KANK1: variants seen among roughly 807,000 people sequenced by gnomAD.
The protein encoded by KANK1 is KN motif and ankyrin repeat domain-containing protein 1.
A neutral mutation model predicts 106.2 loss-of-function variants in KANK1; 109 were observed. The ratio of observed to expected loss-of-function variants is 1.03; its 90% CI spans 0.88 to 1.20. The LOEUF (loss-of-function observed/expected upper bound fraction) is 1.20, where lower values mean the gene tolerates loss of function less well. Ranked by LOEUF, KANK1 falls within the 50% of genes most tolerant of loss-of-function variation. The pLI, the probability that KANK1 is intolerant of heterozygous loss-of-function variation, is 0.00. For synonymous variants in KANK1, 873 were observed against 652.2 expected, an observed-to-expected ratio of 1.34 and a Z score of -5.16; for missense variants, 2,399 against 1,710.7, an observed-to-expected ratio of 1.40 and a Z score of -7.10.
At chr9:484,952 G>T (rs1038409520) in intron 3 of KANK1, among the ~76,000 whole-genome samples, 1 of 148,506 alleles carries the variant, frequency 6.7e-6, no homozygotes, top group African/African-American at 2.6e-5. Flanking sequence ...AAAAAGTTAG[G>T]CCTCATAAGA....
intron 1 of KANK1, among the ~76,000 whole-genome samples, chr9:624,832 A>C (rs145216514): frequency 6.6e-6 from 1 of 151,950 alleles, no homozygotes; most frequent in African/African-American, 2.4e-5. Flanking sequence ...CCCTTTAAAA[A>C]CGCAATGAAA....
At chr9:563,122 C>T (rs1055368268) in intron 1 of KANK1, among the ~76,000 whole-genome samples, 5 of 151,708 alleles carry the variant, frequency 3.3e-5, no homozygotes, top group East Asian at 1.9e-4. Flanking sequence ...AAGATGGAAC[C>T]AAGCCTGTGT....
intron 7 of KANK1, among the ~76,000 whole-genome samples, chr9:737,767 C>G (rs1373700513): frequency 6.6e-6 from 1 of 152,160 alleles, no homozygotes; most frequent in East Asian, 1.9e-4. Context: ...TGAGTTTGGT[C>G]TGGATAGGAA....
At chr9:620,317 A>T (rs962888356) in intron 1 of KANK1, among the ~76,000 whole-genome samples, 2 of 152,098 alleles carry the variant, frequency 1.3e-5, no homozygotes, top group South Asian at 2.1e-4. Flanking sequence ...CTCTTCAACG[A>T]TCTGCCCCCT....
rs60736930 is a variant in KANK1, at chr9:515,171, A to G, written c.-84+10417A>G. ...ATCCTGGCTAACACAGTGAAACCCT[A>G]TCTCTACTAAAAAAATACAAAAGAT... On this transcript the variant is annotated intron_variant, in intron 1 of 11. Coordinates refer to ENST00000382297, the MANE Select transcript of KANK1 (RefSeq NM_015158.5). Among the ~76,000 whole-genome samples, 1,120 of 151,518 alleles carry G rather than the reference A, an allele frequency of 7.4e-3. 41 individuals carry two copies. Among genetic ancestry groups the G allele is most frequent in the African/African-American group, 0.026 (1,056 of 40,934 alleles).
chr9:743,090 G>C (rs1481805244), intron 10 of KANK1, among the ~76,000 whole-genome samples: 3 of 152,186 alleles, frequency 2.0e-5, no homozygotes, highest in African/African-American at 7.2e-5. Flanking sequence ...ATAGGTAGAA[G>C]GTAGGAACTG....
At chr9:630,640 G>T (rs1183004450) in intron 1 of KANK1, among the ~76,000 whole-genome samples, 1 of 152,206 alleles carries the variant, frequency 6.6e-6, no homozygotes, top group Non-Finnish European at 1.5e-5. Context: ...GGTGGCTCAT[G>T]CCTGTAATCC....
intron 1 of KANK1, among the ~76,000 whole-genome samples, chr9:534,173 G>C (rs568054543): frequency 2.0e-5 from 3 of 152,264 alleles, no homozygotes; most frequent in Admixed American, 6.5e-5. Flanking sequence ...ATAGTTTGTG[G>C]GAGTGTGAAG....
At chr9:542,372 A>G (rs1354882420) in intron 1 of KANK1, among the ~76,000 whole-genome samples, 2 of 152,274 alleles carry the variant, frequency 1.3e-5, no homozygotes, top group South Asian at 4.1e-4. Context: ...ATCATCTCAC[A>G]TCTACTAGAA....
intron 3 of KANK1, among the ~76,000 whole-genome samples, chr9:719,247 G>A (rs991422625): frequency 2.0e-5 from 3 of 152,122 alleles, no homozygotes; most frequent in Non-Finnish European, 4.4e-5. Context: ...GATTACAGGC[G>A]TGAGCCAGCG....
chr9:482,922 G>A lies in KANK1; in HGVS notation c.-362+9649G>A, dbSNP rs1206115533. On this transcript the variant is annotated intron_variant, in intron 3 of 15. Coordinates refer to the KANK1 transcript ENST00000382303. ...TCTTAGCCATCCTGCTCTGCCTGCC[G>A]GGGTGTGAATCATCTTTTTGTCCAG... 5.3e-5 allele frequency among the ~76,000 whole-genome samples: 8 copies of A among 152,116 alleles called. 1 individual carries two copies. The highest frequency in any genetic ancestry group is 1.9e-4 in the African/African-American group (8 of 41,418).
chr9:564,062 CT>C lies in KANK1; in HGVS notation c.-84+59323del, dbSNP rs34396017. On this transcript the variant is annotated intron_variant, in intron 1 of 11. Transcript: ENST00000382297. Reference sequence around the variant, plus strand: ...GTGTCATAGAATGTGCACTTTCTTTCTTTTTTTTTTTTTTTGAGACAGAGTC... The same window carrying C: ...GTGTCATAGAATGTGCACTTTCTTTCTTTTTTTTTTTTTTGAGACAGAGTC... 9.0e-3 allele frequency among the ~76,000 whole-genome samples: 1,264 copies of C among 140,110 alleles called. 20 individuals are homozygous for C. Among genetic ancestry groups the C allele is most frequent in the African/African-American group, 0.026 (970 of 37,978 alleles). 91.9% of individuals were successfully genotyped at this position (140,110 alleles called of 152,430 possible). A position where few individuals can be genotyped will look rare whatever the true frequency, so the allele number is the denominator to read the frequency against.
chr9:476,870 T>G (rs1254913050), intron 3 of KANK1: 1 of 152,216 alleles, frequency 6.6e-6, no homozygotes, highest in Non-Finnish European at 1.5e-5. Flanking sequence ...ATGAATGACT[T>G]CTGAGCCAAA....
At chr9:490,608 TTAGA>T (rs1315440831) in intron 3 of KANK1, among the ~76,000 whole-genome samples, 1 of 152,222 alleles carries the variant, frequency 6.6e-6, no homozygotes, top group Non-Finnish European at 1.5e-5. Flanking sequence ...GACAAAATCT[TTAGA>T]TAATTTCATT....
Position 538,482 on chromosome 9 carries a change from C to T in KANK1, c.-84+33728C>T, listed in dbSNP as rs1165681591. 2.6e-5 allele frequency among the ~76,000 whole-genome samples: 4 copies of T among 152,196 alleles called. No homozygotes were observed. The East Asian group carries it at 7.7e-4, about 29-fold the overall frequency. On this transcript the variant is annotated intron_variant, in intron 1 of 11. Coordinates refer to ENST00000382297, the MANE Select transcript of KANK1 (RefSeq NM_015158.5). ...TGATTGACAAAACAATTTTGAGGAT[C>T]CTAAGAGGCACATTCTGCCTCAGGC...
chr9:745,169 C>G lies in KANK1; in HGVS notation c.3997-4C>G, dbSNP rs762049227. On this transcript the variant is annotated splice_region_variant and splice_polypyrimidine_tract_variant and intron_variant, in intron 11 of 11. Transcript: ENST00000382297. Reference sequence around the variant, plus strand: ...CCCAGTTTTTTTCCTTTCCTGGTCTCTAGGGCACCCCTAGGCTTGGAAGGA... The same window carrying G: ...CCCAGTTTTTTTCCTTTCCTGGTCTGTAGGGCACCCCTAGGCTTGGAAGGA... 3 of 1,613,882 alleles carry G rather than the reference C, an allele frequency of 1.9e-6. No individual in the cohort carries two copies. Among genetic ancestry groups the G allele is most frequent in the Middle Eastern group, 3.3e-4 (2 of 6,062 alleles).
upstream of KANK1, among the ~76,000 whole-genome samples, chr9:500,188 A>G (rs1209828590): frequency 6.6e-6 from 1 of 152,224 alleles, no homozygotes; most frequent in Non-Finnish European, 1.5e-5. Context: ...TCAAGCAGCT[A>G]CAACAAAATG....
At chr9:728,274 C>T (rs930227217) in intron 3 of KANK1, among the ~76,000 whole-genome samples, 2 of 150,746 alleles carry the variant, frequency 1.3e-5, no homozygotes, top group Non-Finnish European at 2.9e-5. Flanking sequence ...GATCTAGGCA[C>T]TACAACCTCC....
In KANK1 at chr9:712,142, A is replaced by G. The variant is rs748059194; in HGVS notation, c.1376A>G (p.Gln459Arg). ...GCTGACAAAGAAATTGAGCTGCAACAGCAGACCATAGAATCCTTGAAGGAA... is the reference window on the plus strand; with the variant it reads ...GCTGACAAAGAAATTGAGCTGCAACGGCAGACCATAGAATCCTTGAAGGAA... Reference protein sequence around the residue: ...TEADKEIELQQQTIESLKEKI... With the variant: ...TEADKEIELQRQTIESLKEKI... Residue 459 changes from glutamine (Q) to arginine (R), a missense_variant, in exon 3 of 12, where the codon CAG (glutamine) becomes CGG (arginine). Physicochemically the swap from Gln to Arg is conservative, Grantham distance 43 (BLOSUM62 1). Coordinates refer to ENST00000382297, the MANE Select transcript of KANK1 (RefSeq NM_015158.5). 9 of 1,614,176 alleles carry G rather than the reference A, an allele frequency of 5.6e-6. No individual in the cohort carries two copies. The South Asian group carries it at 9.9e-5, about 18-fold the overall frequency.
Sources: allele counts gnomAD v4.1 joint callset (sites outside exome capture counted in the v4.1 genomes callset), GRCh38; gene constraint gnomAD v4.1.1; transcripts MANE v1.5; gene names NCBI Gene and HGNC (gene_info 2026-07-23, HGNC 2026-07-21).